LRRC4C: variants seen among roughly 807,000 people sequenced by gnomAD.
LRRC4C encodes leucine-rich repeat-containing protein 4C.
A neutral mutation model predicts 33.6 loss-of-function variants in LRRC4C; 5 were observed. The ratio of observed to expected loss-of-function variants is 0.15; its 90% CI spans 0.08 to 0.31. The LOEUF (loss-of-function observed/expected upper bound fraction) is 0.31, where lower values mean the gene tolerates loss of function less well. Among genes scored for constraint, LRRC4C ranks in the 10% least tolerant of loss-of-function variants. LRRC4C has a pLI of 1.00. For missense variants in LRRC4C, 560 were observed against 796.7 expected (o/e 0.70, Z 3.58); for synonymous variants, 329 against 302.0 (o/e 1.09, Z -0.93).
chr11:41,102,020 A>G (rs1477473763), intron 1 of LRRC4C, among the ~76,000 whole-genome samples: 1 of 152,114 alleles, frequency 6.6e-6, no homozygotes, highest in East Asian at 1.9e-4. Flanking sequence ...ACAGAAAAAA[A>G]TAACTATTGA....
At chr11:40,959,719 G>T (rs1316859340) in intron 1 of LRRC4C, among the ~76,000 whole-genome samples, 1 of 151,460 alleles carries the variant, frequency 6.6e-6, no homozygotes, top group Non-Finnish European at 1.5e-5. Context: ...AATTATATGA[G>T]TGAGCACAGT....
intron 1 of LRRC4C, among the ~76,000 whole-genome samples, chr11:41,340,954 G>A (rs1291740044): frequency 6.6e-6 from 1 of 152,230 alleles, no homozygotes; most frequent in African/African-American, 2.4e-5. Flanking sequence ...CTTTGAGGCT[G>A]TGATTGCGTC....
chr11:40,370,385 T>C (rs1028367515), intron 3 of LRRC4C, among the ~76,000 whole-genome samples: 1 of 152,222 alleles, frequency 6.6e-6, no homozygotes, highest in Non-Finnish European at 1.5e-5. Flanking sequence ...GTAGGATTAA[T>C]GATCAGGGAA....
intron 3 of LRRC4C, among the ~76,000 whole-genome samples, chr11:40,530,520 G>A (rs1283036326): frequency 6.6e-6 from 1 of 152,098 alleles, no homozygotes; most frequent in African/African-American, 2.4e-5. Context: ...GATCCTGTGT[G>A]CAAAGCACTT....
At chr11:41,306,849 T>C (rs1950518613) in intron 1 of LRRC4C, among the ~76,000 whole-genome samples, 1 of 152,184 alleles carries the variant, frequency 6.6e-6, no homozygotes, top group Non-Finnish European at 1.5e-5. Context: ...TAGTTGCTTA[T>C]CTAGTACCCA....
chr11:41,235,066 A>G (rs1489910904), intron 1 of LRRC4C, among the ~76,000 whole-genome samples: 1 of 151,806 alleles, frequency 6.6e-6, no homozygotes, highest in Non-Finnish European at 1.5e-5. Context: ...ACATGTGGAT[A>G]AAAAAAAGAG....
intron 5 of LRRC4C, among the ~76,000 whole-genome samples, chr11:40,236,135 A>G (rs996979028): frequency 6.6e-6 from 1 of 152,064 alleles, no homozygotes; most frequent in African/African-American, 2.4e-5. Flanking sequence ...TGCTCCAGGA[A>G]AAAAGCTCTA....
chr11:40,429,585 A>AAAAAC (rs1196429988), intron 3 of LRRC4C, among the ~76,000 whole-genome samples: 1 of 151,974 alleles, frequency 6.6e-6, no homozygotes, highest in African/African-American at 2.4e-5. Flanking sequence ...AAAACAAAAC[A>AAAAAC]AAACATGTAA....
At chr11:40,430,746 C>T (rs889613717) in intron 3 of LRRC4C, among the ~76,000 whole-genome samples, 1 of 151,948 alleles carries the variant, frequency 6.6e-6, no homozygotes, top group African/African-American at 2.4e-5. Context: ...GATGTTACGT[C>T]AAATAAAGAG....
intron 3 of LRRC4C, among the ~76,000 whole-genome samples, chr11:40,637,921 A>C (rs1039910898): frequency 2.0e-5 from 3 of 152,150 alleles, no homozygotes; most frequent in African/African-American, 7.2e-5. Flanking sequence ...AATCTATAGT[A>C]CCTTGTGTTC....
At chr11:40,711,411 T>G (rs575371269) in intron 2 of LRRC4C, among the ~76,000 whole-genome samples, 1 of 152,308 alleles carries the variant, frequency 6.6e-6, no homozygotes, top group Admixed American at 6.5e-5. Context: ...CTATCTTATC[T>G]TCCCCAGTTA....
chr11:40,953,229 A>G (rs1958795802), intron 1 of LRRC4C, among the ~76,000 whole-genome samples: 1 of 151,930 alleles, frequency 6.6e-6, no homozygotes, highest in South Asian at 2.1e-4. Context: ...AAAGTAAGGG[A>G]GTTATACAAA....
chr11:40,740,022 A>G (rs939376363), intron 2 of LRRC4C, among the ~76,000 whole-genome samples: 2 of 151,924 alleles, frequency 1.3e-5, no homozygotes, highest in African/African-American at 2.4e-5. Context: ...GCATAATCTT[A>G]TATGTGTAAT....
chr11:40,251,296 TA>T (rs1434060075), intron 4 of LRRC4C, among the ~76,000 whole-genome samples: 1 of 152,174 alleles, frequency 6.6e-6, no homozygotes, highest in Non-Finnish European at 1.5e-5. Context: ...AGGAGGTAAT[TA>T]AATATTAGGA....
chr11:40,142,331 AATCTC>A, intron 5 of LRRC4C, among the ~76,000 whole-genome samples: 1 of 151,576 alleles, frequency 6.6e-6, no homozygotes, highest in Non-Finnish European at 1.5e-5. Context: ...TGTTTTCCCA[AATCTC>A]ATGGTTTCAA....
chr11:40,318,654 A>T (rs2136827550), intron 4 of LRRC4C, among the ~76,000 whole-genome samples: 1 of 152,270 alleles, frequency 6.6e-6, no homozygotes, highest in South Asian at 2.1e-4. Context: ...AGAGTTTCAA[A>T]TCCCCATTGA....
intron 3 of LRRC4C, among the ~76,000 whole-genome samples, chr11:40,450,907 G>A (rs912865726): frequency 6.6e-6 from 1 of 151,738 alleles, no homozygotes; most frequent in Admixed American, 6.6e-5. Flanking sequence ...ACACTTCTAC[G>A]GAACTAATGG....
In LRRC4C at chr11:40,421,923, G is replaced by A. The variant is rs547933712; in HGVS notation, c.-269-102202C>T. 3.9e-5 allele frequency among the ~76,000 whole-genome samples: 6 copies of A among 152,304 alleles called. No homozygotes were observed. The South Asian group carries it at 1.2e-3, about 32-fold the overall frequency. On this transcript the variant is annotated intron_variant, in intron 3 of 6. Transcript: ENST00000528697. ...GAAAACATAAAAAGCAAAATGCTGT[G>A]GAGGAACTGCAAAGTCATCCTCCTT...
intron 1 of LRRC4C, among the ~76,000 whole-genome samples, chr11:40,969,430 G>A (rs1349961516): frequency 1.3e-5 from 2 of 148,476 alleles, no homozygotes; most frequent in Non-Finnish European, 3.0e-5. Flanking sequence ...TTTTACTGTG[G>A]GTAAAATGCT....
Sources: gnomAD v4.1 joint callset for allele counts (sites outside exome capture counted in the v4.1 genomes callset) on GRCh38, gnomAD v4.1.1 for gene constraint, MANE v1.5 for transcripts, NCBI Gene and HGNC (gene_info 2026-07-23, HGNC 2026-07-21) for gene names.